CCDC158: variants seen among roughly 807,000 people sequenced by gnomAD.
CCDC158 encodes coiled-coil domain containing 158.
CCDC158 carries 116 observed loss-of-function variants against 138.6 expected under a neutral mutation model. That is an observed-to-expected ratio of 0.84 (90% CI 0.72 to 0.98). The LOEUF (loss-of-function observed/expected upper bound fraction) is 0.98. Among genes scored for constraint, CCDC158 ranks in the 50% least tolerant of loss-of-function variants. The pLI is 0.00. For missense variants in CCDC158, 1,265 were observed against 1,306.1 expected, an observed-to-expected ratio of 0.97 and a Z score of 0.48; for synonymous variants, 436 against 442.4, an observed-to-expected ratio of 0.99 and a Z score of 0.18.
chr4:76,365,041 G>T (rs1341441244), intron 12 of CCDC158, among the ~76,000 whole-genome samples: 1 of 152,196 alleles, frequency 6.6e-6, no homozygotes, highest in Non-Finnish European at 1.5e-5. Context: ...ACAACCTGAG[G>T]CATCACAACA....
intron 18 of CCDC158, among the ~76,000 whole-genome samples, chr4:76,335,817 C>T (rs1376804957): frequency 6.6e-6 from 1 of 152,110 alleles, no homozygotes; most frequent in Non-Finnish European, 1.5e-5. Flanking sequence ...AGGCGATCCA[C>T]GCATCTTGGT....
chr4:76,348,406 G>C (rs1722763627), intron 18 of CCDC158, among the ~76,000 whole-genome samples: 1 of 130,488 alleles, frequency 7.7e-6, no homozygotes, highest in African/African-American at 2.9e-5. Flanking sequence ...CTGCACCCCA[G>C]CCTGGGCAAC....
chr4:76,402,430 C>T (rs1434965097), intron 3 of CCDC158, among the ~76,000 whole-genome samples: 1 of 152,196 alleles, frequency 6.6e-6, no homozygotes, highest in Admixed American at 6.5e-5. Flanking sequence ...CCAGGCAGCC[C>T]TCTCCGTGGT....
At position 76,334,025 on chromosome 4, in the gene CCDC158, G is replaced by C. The variant is rs200087196; in HGVS notation, c.2807C>G (p.Ala936Gly). Residue 936 changes from alanine (A) to glycine (G), a missense_variant, in exon 19 of 25, where the codon GCC becomes GGC. By Grantham distance (60) the Ala-to-Gly change is moderately conservative (BLOSUM62 0). Coordinates refer to ENST00000682701, the MANE Select transcript of CCDC158 (RefSeq NM_001394954.1). ...TEEDGRTSLG[A>G]LYVAVEDRVR... ...ACAGCCTTACACAGCCACATACAAG[G>C]CTCCCAGAGATGTTCTTCCATCTTC... 4.2e-5 allele frequency: 68 copies of C among 1,611,020 alleles called. No homozygotes were observed. Among genetic ancestry groups the C allele is most frequent in the Non-Finnish European group, 5.4e-5 (64 of 1,178,298 alleles).
At chr4:76,382,751 A>T (rs1726391839) in intron 7 of CCDC158, 31 bp from the exon 8 acceptor site, 1 of 1,326,156 alleles carries the variant, frequency 7.5e-7, no homozygotes, top group East Asian at 2.3e-5. Flanking sequence ...TTGTCATTTG[A>T]TACAGAAGAT....
At chr4:76,315,236 G>A (rs774757975) in intron 24 of CCDC158, among the ~76,000 whole-genome samples, 17 of 152,058 alleles carry the variant, frequency 1.1e-4, no homozygotes, top group East Asian at 3.9e-4. Flanking sequence ...ACCATCCTGC[G>A]TACCCCACAG....
At chr4:76,361,505 T>C (rs1724138795) in intron 13 of CCDC158, among the ~76,000 whole-genome samples, 1 of 152,136 alleles carries the variant, frequency 6.6e-6, no homozygotes, top group Non-Finnish European at 1.5e-5. Context: ...GAGCTTGCAG[T>C]GAGCTGAGAT....
intron 4 of CCDC158, among the ~76,000 whole-genome samples, chr4:76,391,878 C>A (rs1237594727): frequency 3.3e-5 from 5 of 151,994 alleles, no homozygotes; most frequent in African/African-American, 1.2e-4. Flanking sequence ...TTTGTGGCTA[C>A]TATGAGTGAT....
At chr4:76,344,598 G>C in intron 18 of CCDC158, 1 of 1,318,452 alleles carries the variant, frequency 7.6e-7, no homozygotes, top group Non-Finnish European at 1.1e-6. Context: ...GCTTCAGGTT[G>C]ACATACCTGA....
At chr4:76,399,166 CA>C (rs1474922093) in intron 3 of CCDC158, among the ~76,000 whole-genome samples, 1 of 152,088 alleles carries the variant, frequency 6.6e-6, no homozygotes, top group Admixed American at 6.6e-5. Flanking sequence ...AGAGATAAAG[CA>C]AATATGACAA....
In CCDC158 at chr4:76,362,148, C is replaced by T. The variant is rs1160961376; in HGVS notation, c.1998G>A (p.Arg666=). The T allele has an allele frequency of 9.9e-6, 16 of 1,613,662 alleles. No individual in the cohort carries two copies. Among genetic ancestry groups the T allele is most frequent in the Non-Finnish European group, 1.3e-5 (15 of 1,179,952 alleles). ...DQLLNEVKTS[R]SELNNLSEEY... ...TACCTGAAAGATTGTTTAATTCACT[C>T]CTACTTGTTTTCACCTCATTTAATA... The change falls in exon 13 of 25, where the codon AGG becomes AGA. Residue 666 remains arginine, a synonymous_variant. Coordinates refer to ENST00000682701, the MANE Select transcript of CCDC158 (RefSeq NM_001394954.1).
At chr4:76,345,625 A>C (rs1193827471) in intron 18 of CCDC158, 1 of 859,568 alleles carries the variant, frequency 1.2e-6, no homozygotes, top group African/African-American at 1.6e-5. Context: ...AATGAATGTG[A>C]AAGAAAGCCA....
At chr4:76,351,212 C>A in intron 17 of CCDC158, 91 bp from the exon 18 acceptor site, 1 of 1,226,516 alleles carries the variant, frequency 8.2e-7, no homozygotes, top group Non-Finnish European at 1.1e-6. Context: ...ATTTCACAGG[C>A]AAAATCCATT....
intron 12 of CCDC158, among the ~76,000 whole-genome samples, chr4:76,366,278 A>G (rs1425045512): frequency 6.6e-6 from 1 of 152,164 alleles, no homozygotes; most frequent in East Asian, 1.9e-4. Flanking sequence ...GTAAAAACTT[A>G]AGCAATAGAA....
At chr4:76,421,164 G>T (rs1444085927), upstream of CCDC158, among the ~76,000 whole-genome samples, 1 of 151,972 alleles carries the variant, frequency 6.6e-6, no homozygotes, top group Admixed American at 6.5e-5. Flanking sequence ...CACTCCTCGC[G>T]GCTGTGGCGC....
At chr4:76,383,866 C>T (rs1310222917) in intron 6 of CCDC158, 128 bp from the exon 7 acceptor site, 3 of 730,748 alleles carry the variant, frequency 4.1e-6, no homozygotes, top group African/African-American at 3.6e-5. Context: ...TACATTCTAT[C>T]CCCATATTTT....
chr4:76,341,937 G>A (rs545636457), intron 18 of CCDC158, among the ~76,000 whole-genome samples: 30 of 152,178 alleles, frequency 2.0e-4, no homozygotes, highest in Non-Finnish European at 2.8e-4. Flanking sequence ...ATCTATTTAC[G>A]TCATCAACTT....
intron 1 of CCDC158, among the ~76,000 whole-genome samples, chr4:76,417,616 A>G (rs1427216190): frequency 6.6e-6 from 1 of 152,108 alleles, no homozygotes; most frequent in Non-Finnish European, 1.5e-5. Flanking sequence ...GCCTCCCACC[A>G]TGATTCTGAG....
intron 24 of CCDC158, among the ~76,000 whole-genome samples, chr4:76,318,361 T>C (rs957157604): frequency 5.9e-5 from 9 of 151,986 alleles, no homozygotes; most frequent in Non-Finnish European, 1.3e-4. Context: ...ATACAAAAGA[T>C]CATTTAGGGC....
Sources: gnomAD v4.1 joint callset for allele counts (sites outside exome capture counted in the v4.1 genomes callset) on GRCh38, gnomAD v4.1.1 for gene constraint, MANE v1.5 for transcripts, NCBI Gene and HGNC (gene_info 2026-07-23, HGNC 2026-07-21) for gene names.